The following RALYL variants were observed in gnomAD, a reference collection of about 807,000 sequenced individuals.
RALYL encodes the protein RNA-binding Raly-like protein.
In RALYL, 29 loss-of-function variants were observed where a neutral mutation model predicts 35.1. The ratio of observed to expected loss-of-function variants is 0.83; its 90% CI spans 0.61 to 1.13. RALYL has a LOEUF of 1.13. RALYL is among the 50% of genes most tolerant of loss of function. RALYL has a pLI of 0.00. For synonymous variants in RALYL, 120 were observed against 127.6 expected (o/e 0.94, Z 0.40); for missense variants, 359 against 360.4 (o/e 1.00, Z 0.03).
intron 1 of RALYL, among the ~76,000 whole-genome samples, chr8:84,231,958 TAATA>T (rs1253125201): frequency 1.3e-5 from 2 of 152,144 alleles, no homozygotes; most frequent in African/African-American, 4.8e-5. Context: ...TATAGGTATT[TAATA>T]AATAATAAAG....
chr8:84,604,448 A>C (rs1816671299), intron 2 of RALYL, among the ~76,000 whole-genome samples: 1 of 152,154 alleles, frequency 6.6e-6, no homozygotes, highest in South Asian at 2.1e-4. Flanking sequence ...GCTGATGTGA[A>C]ATGTACTGAC....
chr8:84,453,122 A>G (rs573221028), intron 1 of RALYL, among the ~76,000 whole-genome samples: 1 of 151,982 alleles, frequency 6.6e-6, no homozygotes, highest in African/African-American at 2.4e-5. Context: ...ATTTCGTTTG[A>G]GCAAGTAGCA....
intron 3 of RALYL, among the ~76,000 whole-genome samples, chr8:84,784,006 G>A (rs1246032526): frequency 6.6e-6 from 1 of 152,172 alleles, no homozygotes; most frequent in Non-Finnish European, 1.5e-5. Context: ...TAGGTTTTTA[G>A]GGTTTTGTCT....
At chr8:84,653,333 G>A (rs1211294511) in intron 2 of RALYL, among the ~76,000 whole-genome samples, 1 of 152,004 alleles carries the variant, frequency 6.6e-6, no homozygotes, top group Non-Finnish European at 1.5e-5. Flanking sequence ...AGCTGAGGAT[G>A]AGGGCAAAAA....
At chr8:84,452,987 G>A (rs1257569431) in intron 1 of RALYL, among the ~76,000 whole-genome samples, 2 of 151,914 alleles carry the variant, frequency 1.3e-5, no homozygotes, top group Non-Finnish European at 2.9e-5. Flanking sequence ...TAAAATAGAT[G>A]CAGTACAGTA....
At chr8:84,617,019 G>A (rs1304897556) in intron 2 of RALYL, among the ~76,000 whole-genome samples, 2 of 150,456 alleles carry the variant, frequency 1.3e-5, no homozygotes, top group Non-Finnish European at 1.5e-5. Flanking sequence ...TTGAAGTCAG[G>A]TAGTGTGATG....
chr8:84,409,351 A>G (rs1194149287), intron 1 of RALYL, among the ~76,000 whole-genome samples: 1 of 152,074 alleles, frequency 6.6e-6, no homozygotes, highest in Non-Finnish European at 1.5e-5. Context: ...GATTCTTTGC[A>G]ATGTGTATAA....
intron 1 of RALYL, among the ~76,000 whole-genome samples, chr8:84,464,793 C>A (rs1222661581): frequency 1.3e-5 from 2 of 148,304 alleles, no homozygotes; most frequent in African/African-American, 2.5e-5. Context: ...CACATCCTCT[C>A]CAGCACCTGT....
intron 2 of RALYL, among the ~76,000 whole-genome samples, chr8:84,742,152 C>A (rs1807515188): frequency 1.3e-5 from 2 of 151,932 alleles, no homozygotes; most frequent in Admixed American, 1.3e-4. Context: ...TCTAAACAAG[C>A]CTCAGACTAC....
chr8:84,401,570 G>A (rs1337302242), intron 1 of RALYL, among the ~76,000 whole-genome samples: 4 of 148,578 alleles, frequency 2.7e-5, no homozygotes, highest in Admixed American at 2.7e-4. Context: ...CCCGGGAGGC[G>A]GAGCTTGCAG....
At chr8:84,288,436 C>T (rs1330128091) in intron 1 of RALYL, among the ~76,000 whole-genome samples, 2 of 152,156 alleles carry the variant, frequency 1.3e-5, no homozygotes, top group East Asian at 1.9e-4. Context: ...GACAGGGCCT[C>T]ATTTTTCAAT....
At chr8:84,452,994 A>G (rs2049684580) in intron 1 of RALYL, among the ~76,000 whole-genome samples, 1 of 151,966 alleles carries the variant, frequency 6.6e-6, no homozygotes, top group Non-Finnish European at 1.5e-5. Context: ...GATGCAGTAC[A>G]GTATTTCCTA....
chr8:84,661,636 AT>A (rs34371208), intron 2 of RALYL, among the ~76,000 whole-genome samples: 28,843 of 145,714 alleles, frequency 0.2, 3,000 homozygotes, highest in Non-Finnish European at 0.23. Context: ...TATTTTATTT[AT>A]TTTTTTTATT....
intron 2 of RALYL, among the ~76,000 whole-genome samples, chr8:84,619,848 T>A (rs1046002016): frequency 2.0e-5 from 3 of 151,602 alleles, no homozygotes; most frequent in African/African-American, 7.3e-5. Context: ...CTCCTTCACT[T>A]ATGAAGCTTA....
chr8:84,573,521 T>C (rs10086792), intron 2 of RALYL, among the ~76,000 whole-genome samples: 5 of 151,892 alleles, frequency 3.3e-5, no homozygotes, highest in Non-Finnish European at 7.4e-5. Flanking sequence ...TAGAAAATAC[T>C]TTGGTATCGT....
intron 3 of RALYL, among the ~76,000 whole-genome samples, chr8:84,791,360 C>T (rs1445252501): frequency 6.6e-6 from 1 of 152,128 alleles, no homozygotes; most frequent in African/African-American, 2.4e-5. Context: ...CTAGAGAAAA[C>T]TCACAAAACT....
chr8:84,658,457 C>T (rs144285749), intron 2 of RALYL, among the ~76,000 whole-genome samples: 1 of 152,120 alleles, frequency 6.6e-6, no homozygotes, highest in East Asian at 1.9e-4. Flanking sequence ...ATTGTATCTC[C>T]CTCTTAAAAT....
intron 4 of RALYL, among the ~76,000 whole-genome samples, chr8:84,816,992 T>C: frequency 6.6e-6 from 1 of 152,308 alleles, no homozygotes. Context: ...TATTTTATTA[T>C]ATTTATCTCT....
intron 1 of RALYL, among the ~76,000 whole-genome samples, chr8:84,412,163 A>C (rs1202839481): frequency 6.6e-6 from 1 of 151,878 alleles, no homozygotes; most frequent in East Asian, 1.9e-4. Context: ...TAATTATATT[A>C]CTTATTGTCT....
Sources: allele counts gnomAD v4.1 joint callset (sites outside exome capture counted in the v4.1 genomes callset), GRCh38; gene constraint gnomAD v4.1.1; transcripts MANE v1.5; gene names NCBI Gene and HGNC (gene_info 2026-07-23, HGNC 2026-07-21).